The following PCDHGA11 variants were observed in gnomAD, a reference collection of about 807,000 sequenced individuals.
PCDHGA11 encodes the protein protocadherin gamma subfamily A, 11, also known as protocadherin gamma-A11.
PCDHGA11 carries 39 observed loss-of-function variants against 60.4 expected under a neutral mutation model. The observed-to-expected ratio is 0.65, with a 90% CI of 0.50 to 0.84. The LOEUF (loss-of-function observed/expected upper bound fraction) is 0.84, where lower values mean the gene tolerates loss of function less well. Among genes scored for constraint, PCDHGA11 ranks in the 40% least tolerant of loss-of-function variants. PCDHGA11 has a pLI of 0.00. For missense variants in PCDHGA11, 1,165 were observed against 1,197.7 expected (o/e 0.97, Z 0.40); for synonymous variants, 533 against 510.3 (o/e 1.04, Z -0.60).
At position 141,432,952 on chromosome 5, in the gene PCDHGA11, C is replaced by G. The variant is rs2097553312; in HGVS notation, c.2433+9292C>G. ...GCCTGCTGCAGGCTTCAGGAGGCGGCTTGACAGGAGCGCCGGCGTCGCACT... is the reference window on the plus strand; with the variant it reads ...GCCTGCTGCAGGCTTCAGGAGGCGGGTTGACAGGAGCGCCGGCGTCGCACT... On this transcript the variant is annotated intron_variant, in intron 1 of 3. Transcript: ENST00000398587. The surrounding 1 kb of genome is among the most constrained non-coding windows in gnomAD (Gnocchi z 6.0). 1 of 1,614,086 alleles carries G rather than the reference C, an allele frequency of 6.2e-7. No individual in the cohort carries two copies. Among genetic ancestry groups the G allele is most frequent in the South Asian group, 1.1e-5 (1 of 91,090 alleles).
Position 141,477,678 on chromosome 5 carries a change from C to T in PCDHGA11, c.2434-17129C>T, listed in dbSNP as rs967769574. ...AATCGTGACAATGGCATAGTGTCAT[C>T]CTTAGTGCCCCTAGACTATGAGGAT... On this transcript the variant is annotated intron_variant, in intron 1 of 3. Coordinates refer to ENST00000398587, the MANE Select transcript of PCDHGA11 (RefSeq NM_018914.3). This position sits in a 1 kb window ranked among gnomAD's most constrained non-coding sequence, Gnocchi z 4.9. 9.9e-6 allele frequency: 16 copies of T among 1,614,182 alleles called. No homozygotes were observed. The highest frequency in any genetic ancestry group is 1.1e-5 in the Non-Finnish European group (13 of 1,180,046).
At chr5:141,483,555 C>CAG (rs1415499107) in intron 1 of PCDHGA11, among the ~76,000 whole-genome samples, 2 of 152,152 alleles carry the variant, frequency 1.3e-5, no homozygotes, top group African/African-American at 4.8e-5. Flanking sequence ...GTGCCATTCA[C>CAG]AGAGACAGTG....
At position 141,489,063 on chromosome 5, in the gene PCDHGA11, C is replaced by A; in HGVS notation, c.2434-5744C>A. ...CTCCACTCAAATTCAGCTCCCCTCC[C>A]CCCTGCCCACCCCCGCCACTCGGTG... On this transcript the variant is annotated intron_variant, in intron 1 of 3. Coordinates refer to ENST00000398587, the MANE Select transcript of PCDHGA11 (RefSeq NM_018914.3). This position sits in a 1 kb window ranked among gnomAD's most constrained non-coding sequence, Gnocchi z 4.5. 2.6e-6 allele frequency: 1 copy of A among 384,986 alleles called. No individual in the cohort carries two copies. Among genetic ancestry groups the A allele is most frequent in the East Asian group, 4.5e-5 (1 of 22,374 alleles). 23.8% of individuals were successfully genotyped at this position (384,986 alleles called of 1,614,324 possible). A position where few individuals can be genotyped will look rare whatever the true frequency, so the allele number is the denominator to read the frequency against.
rs758782567 is a variant in PCDHGA11, at chr5:141,486,792, G to A, written c.2434-8015G>A. ...CAGTTTGAGGTGCAGGCCCGGGATCGGGGCAACCCACCCCTTAGCAGCACT... is the reference window on the plus strand; with the variant it reads ...CAGTTTGAGGTGCAGGCCCGGGATCAGGGCAACCCACCCCTTAGCAGCACT... On this transcript the variant is annotated intron_variant, in intron 1 of 3. Coordinates refer to ENST00000398587, the MANE Select transcript of PCDHGA11 (RefSeq NM_018914.3). This position sits in a 1 kb window ranked among gnomAD's most constrained non-coding sequence, Gnocchi z 5.0. The A allele has an allele frequency of 3.7e-5, 59 of 1,614,094 alleles. No homozygotes were observed. The Middle Eastern group carries it at 4.9e-4, about 13-fold the overall frequency.
Position 141,476,104 on chromosome 5 carries a change from G to A in PCDHGA11, c.2434-18703G>A. 6.3e-7 allele frequency: 1 copy of A among 1,584,700 alleles called. No homozygotes were observed. Among genetic ancestry groups the A allele is most frequent in the Non-Finnish European group, 8.6e-7 (1 of 1,168,500 alleles). On this transcript the variant is annotated intron_variant, in intron 1 of 3. Coordinates refer to ENST00000398587, the MANE Select transcript of PCDHGA11 (RefSeq NM_018914.3). The surrounding 1 kb of genome is among the most constrained non-coding windows in gnomAD (Gnocchi z 7.6). ...GATCTGGACCCCGCTGAGAGGAACTGCTTTTGAGTGAGATGGTCCCAGAGG... is the reference window on the plus strand; with the variant it reads ...GATCTGGACCCCGCTGAGAGGAACTACTTTTGAGTGAGATGGTCCCAGAGG...
intron 1 of PCDHGA11, chr5:141,430,796 C>T (rs1347347402): frequency 6.6e-6 from 10 of 1,522,232 alleles, no homozygotes; most frequent in Non-Finnish European, 8.8e-6. Flanking sequence ...CTACAAAGGG[C>T]TTGTCCTGCT....
At chr5:141,467,393 T>C (rs1409255781) in intron 1 of PCDHGA11, among the ~76,000 whole-genome samples, 3 of 152,124 alleles carry the variant, frequency 2.0e-5, no homozygotes, top group African/African-American at 7.2e-5. Flanking sequence ...TTTTAAGTCA[T>C]AGTTAGAAAG....
At chr5:141,445,148 C>T (rs1051995635) in intron 1 of PCDHGA11, among the ~76,000 whole-genome samples, 3 of 152,092 alleles carry the variant, frequency 2.0e-5, no homozygotes, top group Non-Finnish European at 4.4e-5. Context: ...TCTAATTGTT[C>T]ATTTCTAGTT....
rs2099629540 is a variant in PCDHGA11, at chr5:141,486,436, T to C, written c.2434-8371T>C. 2 of 1,614,188 alleles carry C rather than the reference T, an allele frequency of 1.2e-6. No individual in the cohort carries two copies. The highest frequency in any genetic ancestry group is 1.7e-6 in the Non-Finnish European group (2 of 1,180,020). On this transcript the variant is annotated intron_variant, in intron 1 of 3. Coordinates refer to ENST00000398587, the MANE Select transcript of PCDHGA11 (RefSeq NM_018914.3). This position sits in a 1 kb window ranked among gnomAD's most constrained non-coding sequence, Gnocchi z 5.0. ...TGGATCGAGAGGCCAAATCTAGCTA[T>C]GACATCATGGTCACTGCTTCTGATG... is the stretch of plus-strand genomic sequence containing the variant.
intron 1 of PCDHGA11, among the ~76,000 whole-genome samples, chr5:141,450,826 A>ATT (rs764729742): frequency 0.025 from 3,390 of 134,266 alleles, 60 homozygotes; most frequent in Middle Eastern, 0.057. Flanking sequence ...TATTATTATT[A>ATT]TTATTTTTTT....
rs754728562 is a variant in PCDHGA11, at chr5:141,489,487, G to A, written c.2434-5320G>A. 6.2e-7 allele frequency: 1 copy of A among 1,613,942 alleles called. No individual in the cohort carries two copies. On this transcript the variant is annotated intron_variant, in intron 1 of 3. Coordinates refer to ENST00000398587, the MANE Select transcript of PCDHGA11 (RefSeq NM_018914.3). This position sits in a 1 kb window ranked among gnomAD's most constrained non-coding sequence, Gnocchi z 4.5. The stretch of plus-strand genomic sequence containing the variant: ...TTTTTCCCTGAGCTTGATGAGTGGT[G>A]CCCTGGCAGTGAATCAAAAGATTGA...
In PCDHGA11 at chr5:141,485,867, G is replaced by T; in HGVS notation, c.2434-8940G>T. The T allele has an allele frequency of 6.2e-7, 1 of 1,614,164 alleles. No homozygotes were observed. Among genetic ancestry groups the T allele is most frequent in the Non-Finnish European group, 8.5e-7 (1 of 1,180,040 alleles). On this transcript the variant is annotated intron_variant, in intron 1 of 3. Transcript: ENST00000398587. The surrounding 1 kb of genome is among the most constrained non-coding windows in gnomAD (Gnocchi z 5.7). ...TGGCACCGCAGAGCTCCGGGTATCC[G>T]TGCTGGACGTAAACGACAACGCCCC...
chr5:141,456,536 G>A (rs1231730255), intron 1 of PCDHGA11, among the ~76,000 whole-genome samples: 1 of 152,158 alleles, frequency 6.6e-6, no homozygotes, highest in Non-Finnish European at 1.5e-5. Flanking sequence ...AATTAAAGAG[G>A]GATTGTAGCC....
intron 1 of PCDHGA11, among the ~76,000 whole-genome samples, chr5:141,452,761 G>A (rs1291983570): frequency 6.6e-6 from 1 of 152,036 alleles, no homozygotes; most frequent in East Asian, 1.9e-4. Flanking sequence ...AGGAAGGGAG[G>A]GAGGGAAAAC....
intron 1 of PCDHGA11, chr5:141,424,561 T>C (rs972361161): frequency 7.9e-5 from 12 of 152,236 alleles, no homozygotes; most frequent in African/African-American, 2.9e-4. Flanking sequence ...TCAGTGCTTC[T>C]CAAAAACCTA....
rs1386737349 is a variant in PCDHGA11 at position 141,486,423 on chromosome 5, C to T, written c.2434-8384C>T. The T allele has an allele frequency of 6.2e-7, 1 of 1,614,042 alleles. No individual in the cohort carries two copies. The highest frequency in any genetic ancestry group is 8.5e-7 in the Non-Finnish European group (1 of 1,180,030). ...ACTGCTGGACCCTTGGATCGAGAGG[C>T]CAAATCTAGCTATGACATCATGGTC... is the stretch of plus-strand genomic sequence containing the variant. On this transcript the variant is annotated intron_variant, in intron 1 of 3. Transcript: ENST00000398587. The surrounding 1 kb of genome is among the most constrained non-coding windows in gnomAD (Gnocchi z 5.0).
At position 141,423,252 on chromosome 5, in the gene PCDHGA11, C is replaced by T. The variant is rs2096724826; in HGVS notation, c.2025C>T (p.Asp675=). 2 of 1,613,802 alleles carry T rather than the reference C, an allele frequency of 1.2e-6. No homozygotes were observed. The highest frequency in any genetic ancestry group is 2.2e-5 in the South Asian group (2 of 91,084). ...VADSIPEVLA[D]LGSLESLANS... ...ACAGCATCCCCGAAGTCCTGGCGGA[C>T]CTCGGCAGCCTCGAGTCTCTGGCTA... Residue 675 remains aspartate, a synonymous_variant, in exon 1 of 4, where the codon GAC becomes GAT. Coordinates refer to ENST00000398587, the MANE Select transcript of PCDHGA11 (RefSeq NM_018914.3).
Position 141,490,693 on chromosome 5 carries a change from G to A in PCDHGA11, c.2434-4114G>A. On this transcript the variant is annotated intron_variant, in intron 1 of 3. Coordinates refer to ENST00000398587, the MANE Select transcript of PCDHGA11 (RefSeq NM_018914.3). This position sits in a 1 kb window ranked among gnomAD's most constrained non-coding sequence, Gnocchi z 5.4. ...GGCTGCCTCAGATCCAGACACTGGGGATAATGCCCGCCTCACCTACTCCAT... is the reference window on the plus strand; with the variant it reads ...GGCTGCCTCAGATCCAGACACTGGGAATAATGCCCGCCTCACCTACTCCAT... 1.9e-6 allele frequency: 3 copies of A among 1,614,170 alleles called. No homozygotes were observed. Among genetic ancestry groups the A allele is most frequent in the Non-Finnish European group, 2.5e-6 (3 of 1,180,018 alleles).
chr5:141,423,192 C>T lies in PCDHGA11; in HGVS notation c.1965C>T (p.Leu655=). 2 of 1,613,622 alleles carry T rather than the reference C, an allele frequency of 1.2e-6. No homozygotes were observed. Among genetic ancestry groups the T allele is most frequent in the African/African-American group, 2.7e-5 (2 of 75,084 alleles). Residue 655 remains leucine (L), a synonymous_variant, in exon 1 of 4, where the codon CTC becomes CTT. Coordinates refer to ENST00000398587, the MANE Select transcript of PCDHGA11 (RefSeq NM_018914.3). ...VAVQDHGQPP[L]SATVTLTVAV... ...TCCAGGACCACGGCCAGCCCCCTCT[C>T]TCGGCCACCGTCACGCTCACCGTGG...
Sources: allele counts gnomAD v4.1 joint callset (sites outside exome capture counted in the v4.1 genomes callset), GRCh38; gene constraint gnomAD v4.1.1; non-coding constraint Gnocchi (gnomAD v3.1); transcripts MANE v1.5; gene names NCBI Gene and HGNC (gene_info 2026-07-23, HGNC 2026-07-21).